Variants in IGFN1 observed in about 807,000 individuals in gnomAD.
IGFN1 encodes the protein immunoglobulin like and fibronectin type III domain containing 1, also known as immunoglobulin-like and fibronectin type III domain-containing protein 1.
In IGFN1, 253 loss-of-function variants were observed where a neutral mutation model predicts 289.5. That is an observed-to-expected ratio of 0.87 (90% CI 0.79 to 0.97). The LOEUF is 0.97. IGFN1 is among the 50% of genes least tolerant of loss of function. The probability of loss-of-function intolerance (pLI) is 0.00; values close to 1 mark genes in which losing one functional copy is unlikely to be tolerated. For missense variants in IGFN1, 4,470 were observed against 4,686.1 expected (o/e 0.95, Z 1.35); for synonymous variants, 1,706 against 1,788.5 (o/e 0.95, Z 1.16).
At position 201,210,738 on chromosome 1, in the gene IGFN1, G is replaced by C. The variant is rs1375903316; in HGVS notation, c.5845G>C (p.Gly1949Arg). The change falls in exon 12 of 24, where the codon GGG becomes CGG. Residue 1949 changes from glycine (G) to arginine (R), a missense_variant. Transcript: ENST00000335211. ...GSKEGFRDGL[G>R]GSEEMGSVNK... ...TAAGGAAGGTTTCAGGGATGGTTTA[G>C]GGGGTTCTGAAGAAATGGGGTCAGT... The C allele has an allele frequency of 1.3e-6, 2 of 1,531,342 alleles. No homozygotes were observed. Among genetic ancestry groups the C allele is most frequent in the Non-Finnish European group, 1.7e-6 (2 of 1,144,852 alleles). 94.9% of individuals were successfully genotyped at this position (1,531,342 alleles called of 1,614,324 possible).
intron 8 of IGFN1, 124 bp downstream of exon 8, chr1:201,200,535 G>A: frequency 1.3e-6 from 1 of 761,288 alleles, no homozygotes; most frequent in East Asian, 2.7e-5. Flanking sequence ...CAAGGGGCCT[G>A]TCTCCATCTA....
Position 201,211,968 on chromosome 1 carries a change from G to A in IGFN1, c.7075G>A (p.Gly2359Arg). The A allele has an allele frequency of 6.5e-7, 1 of 1,534,206 alleles. No individual in the cohort carries two copies. The highest frequency in any genetic ancestry group is 8.7e-7 in the Non-Finnish European group (1 of 1,145,526). ...GGGACCAGAGGGTAAGATGGGTTATGGAGATGGTTCAGGGAGGCTTGGAGT... is the reference window on the plus strand; with the variant it reads ...GGGACCAGAGGGTAAGATGGGTTATAGAGATGGTTCAGGGAGGCTTGGAGT... ...ETGPEGKMGY[G>R]DGSGRLGVPG... The change falls in exon 12 of 24, where the codon GGA (glycine) becomes AGA (arginine). Residue 2359 changes from glycine (G) to arginine (R), a missense_variant. By Grantham distance (125) the Gly-to-Arg change is moderately radical. Coordinates refer to ENST00000335211, the MANE Select transcript of IGFN1 (RefSeq NM_001164586.2).
chr1:201,217,665 C>A (rs529263142), intron 17 of IGFN1, among the ~76,000 whole-genome samples: 11 of 152,282 alleles, frequency 7.2e-5, no homozygotes, highest in Non-Finnish European at 1.5e-4. Context: ...TGCTGCAAAA[C>A]CTCCTACAGT....
rs769439563 is a variant in IGFN1, at chr1:201,224,701, C to A, written c.10313C>A (p.Thr3438Asn). 2 of 1,614,170 alleles carry A rather than the reference C, an allele frequency of 1.2e-6. No individual in the cohort carries two copies. The highest frequency in any genetic ancestry group is 1.7e-6 in the Non-Finnish European group (2 of 1,179,998). ...CAGGCCATGCCCATGCCTGAGGTGA[C>A]CTGGCTGAAGGATGGCTTGCCCTTG... ...SFEAMPMPEV[T>N]WLKDGLPLPK... The change falls in exon 21 of 24, where the codon ACC becomes AAC. Residue 3438 changes from threonine to asparagine, a missense_variant. Physicochemically the swap from Thr to Asn is moderately conservative, Grantham distance 65. Around this residue, in one of 8 missense-constraint regions of IGFN1, gnomAD observed 2,218 missense variants for 2,114.1 expected, o/e 1.05. Transcript: ENST00000335211.
Position 201,228,675 on chromosome 1 carries a change from T to G in IGFN1, c.*276T>G. The G allele has an allele frequency of 1.9e-6, 1 of 518,794 alleles. No individual in the cohort carries two copies. The highest frequency in any genetic ancestry group is 3.5e-6 in the Non-Finnish European group (1 of 289,364). 32.1% of individuals were successfully genotyped at this position (518,794 alleles called of 1,614,324 possible). A position where few individuals can be genotyped will look rare whatever the true frequency, so the allele number is the denominator to read the frequency against. Reference sequence around the variant, plus strand: ...CCTCACCATATGGGTTTCTTTCTTCTTCGCTTCAGGAGATCCAGAGGGCAC... The same window carrying G: ...CCTCACCATATGGGTTTCTTTCTTCGTCGCTTCAGGAGATCCAGAGGGCAC... On this transcript the variant is annotated 3_prime_UTR_variant, in exon 24 of 24. Coordinates refer to ENST00000335211, the MANE Select transcript of IGFN1 (RefSeq NM_001164586.2).
Position 201,211,887 on chromosome 1 carries a change from A to G in IGFN1, c.6994A>G (p.Met2332Val). ...GCAAGGCTTTGGGGGAACTAGTGGC[A>G]TGGGGTCAGGGAGTGAGGTCAGTTA... ...SRQGFGGTSGMGSGSEVSYRG... is the reference protein window; with the variant it reads ...SRQGFGGTSGVGSGSEVSYRG... Residue 2332 changes from methionine (M) to valine (V), a missense_variant, in exon 12 of 24, where the codon ATG becomes GTG. Coordinates refer to ENST00000335211, the MANE Select transcript of IGFN1 (RefSeq NM_001164586.2). The G allele has an allele frequency of 2.6e-6, 4 of 1,531,530 alleles. No individual in the cohort carries two copies. Among genetic ancestry groups the G allele is most frequent in the South Asian group, 1.2e-5 (1 of 83,198 alleles). 94.9% of individuals were successfully genotyped at this position (1,531,530 alleles called of 1,614,324 possible). A position where few individuals can be genotyped will look rare whatever the true frequency, so the allele number is the denominator to read the frequency against.
intron 9 of IGFN1, among the ~76,000 whole-genome samples, chr1:201,202,554 C>T (rs1333632571): frequency 6.6e-6 from 1 of 152,086 alleles, no homozygotes; most frequent in Non-Finnish European, 1.5e-5. Context: ...ATCGACAGGG[C>T]TAATTCCTTC....
chr1:201,195,994 CT>C lies in IGFN1; in HGVS notation c.267+18del. 6.4e-7 allele frequency: 1 copy of C among 1,550,708 alleles called. No individual in the cohort carries two copies. Among genetic ancestry groups the C allele is most frequent in the Non-Finnish European group, 8.7e-7 (1 of 1,146,542 alleles). ...CGTGCTGCAGGTAAGAACCGTAGCT[CT>C]TCCCCTGACCAGGGTCTACTCGTCT... On this transcript the variant is annotated intron_variant, in intron 4 of 23. Coordinates refer to ENST00000335211, the MANE Select transcript of IGFN1 (RefSeq NM_001164586.2).
In IGFN1 at chr1:201,213,372, G is replaced by T; in HGVS notation, c.8479G>T (p.Val2827Phe). ...GTCTCAGGCACAGTCAGGGGCTGAGGTTGGAGGAGGAAAGAGAAGGGGAGC... is the reference window on the plus strand; with the variant it reads ...GTCTCAGGCACAGTCAGGGGCTGAGTTTGGAGGAGGAAAGAGAAGGGGAGC... ...SRSQAQSGAE[V>F]GGGKRRGADE... The change falls in exon 12 of 24, where the codon GTT becomes TTT. Residue 2827 changes from valine (V) to phenylalanine (F), a missense_variant. By Grantham distance (50) the Val-to-Phe change is conservative. Transcript: ENST00000335211. 5.0e-6 allele frequency: 8 copies of T among 1,613,008 alleles called. No homozygotes were observed. The highest frequency in any genetic ancestry group is 5.9e-6 in the Non-Finnish European group (7 of 1,179,508).
Position 201,212,608 on chromosome 1 carries a change from T to C in IGFN1, c.7715T>C (p.Leu2572Ser). 6 of 1,545,594 alleles carry C rather than the reference T, an allele frequency of 3.9e-6. No homozygotes were observed. Among genetic ancestry groups the C allele is most frequent in the Non-Finnish European group, 5.2e-6 (6 of 1,144,126 alleles). Residue 2572 changes from leucine (L) to serine (S), a missense_variant, in exon 12 of 24, where the codon TTG (leucine) becomes TCG (serine). Leu to Ser is a moderately radical substitution (Grantham distance 145). Around this residue, in one of 8 missense-constraint regions of IGFN1, gnomAD observed 2,218 missense variants for 2,114.1 expected, o/e 1.05. Transcript: ENST00000335211. ...GGTAGAGTTGCTGGCCAGGGGGGGT[T>C]GGCATCTCAGGGAGGTGGGGACTCA... ...DRGRVAGQGGLASQGGGDSLL... is the reference protein window; with the variant it reads ...DRGRVAGQGGSASQGGGDSLL...
rs1191881023 is a variant in IGFN1, at chr1:201,212,273, G to A, written c.7380G>A (p.Glu2460=). The change falls in exon 12 of 24, where the codon GAG becomes GAA. Residue 2460 remains glutamate (E), a synonymous_variant. Transcript: ENST00000335211. The part of the protein sequence containing the change: ...SQGGRQTLSD[E]RGSTKDLGGY... ...GAGGGCGACAGACTCTTTCAGATGAGCGAGGCTCCACCAAAGATCTTGGGG... is the reference window on the plus strand; with the variant it reads ...GAGGGCGACAGACTCTTTCAGATGAACGAGGCTCCACCAAAGATCTTGGGG... 6.5e-7 allele frequency: 1 copy of A among 1,536,184 alleles called. No individual in the cohort carries two copies. The highest frequency in any genetic ancestry group is 8.7e-7 in the Non-Finnish European group (1 of 1,146,644).
In IGFN1 at chr1:201,208,275, A is replaced by G; in HGVS notation, c.3382A>G (p.Arg1128Gly). ...TCAGACTGGAAATTATGGGGGCTTC[A>G]GAGCCTCAGAGGCCCTGGGGGCCTT... Reference protein sequence around the residue: ...WGQTGNYGGFRASEALGAFGE... With the variant: ...WGQTGNYGGFGASEALGAFGE... Residue 1128 changes from arginine (R) to glycine (G), a missense_variant, in exon 12 of 24, where the codon AGA (arginine) becomes GGA (glycine). This residue lies in a region of IGFN1 where 2,011 missense variants were observed against 1,953.4 expected (regional missense o/e 1.03). Transcript: ENST00000335211. 1.3e-6 allele frequency: 2 copies of G among 1,535,566 alleles called. No individual in the cohort carries two copies. The highest frequency in any genetic ancestry group is 1.7e-6 in the Non-Finnish European group (2 of 1,146,566).
rs528788016 is a variant in IGFN1, at chr1:201,207,562, T to C, written c.2669T>C (p.Leu890Pro). The stretch of plus-strand genomic sequence containing the variant: ...GGGGTGGATGCCAGAAGCCACTGGC[T>C]AAGTAGGGCTCCAGGCCTGGGTGCT... ...GQGVDARSHWLSRAPGLGAQG... is the reference protein window; with the variant it reads ...GQGVDARSHWPSRAPGLGAQG... Residue 890 changes from leucine (L) to proline (P), a missense_variant, in exon 12 of 24, where the codon CTA becomes CCA. Physicochemically the swap from Leu to Pro is moderately conservative, Grantham distance 98. Around this residue, in one of 8 missense-constraint regions of IGFN1, gnomAD observed 2,011 missense variants for 1,953.4 expected, o/e 1.03. Transcript: ENST00000335211. 5.1e-5 allele frequency: 78 copies of C among 1,536,812 alleles called. 1 individual carries two copies. In the South Asian group the frequency reaches 8.9e-4, roughly 18 times the overall value.
chr1:201,199,275 C>G (rs1020395029), intron 5 of IGFN1, 59 bp from the exon 6 acceptor site: 2 of 1,435,804 alleles, frequency 1.4e-6, no homozygotes, highest in Non-Finnish European at 1.9e-6. Context: ...ATCAACATGT[C>G]TTGCTTCTCT....
Position 201,204,286 on chromosome 1 carries a change from G to T in IGFN1, c.916+380G>T, listed in dbSNP as rs141354063. On this transcript the variant is annotated intron_variant, in intron 10 of 23. Transcript: ENST00000335211. ...CCACAACACCCTAGCAAGAATCTCT[G>T]GGTTAGGCATCCTCACGCTCCATAC... is the stretch of plus-strand genomic sequence containing the variant. 4.1e-3 allele frequency among the ~76,000 whole-genome samples: 620 copies of T among 152,258 alleles called. 2 individuals are homozygous for T. Among genetic ancestry groups the T allele is most frequent in the Admixed American group, 6.7e-3 (103 of 15,292 alleles).
intron 15 of IGFN1, chr1:201,216,138 C>T: frequency 1.6e-6 from 1 of 642,898 alleles, no homozygotes; most frequent in Non-Finnish European, 2.8e-6. Flanking sequence ...TGAGTGGTGC[C>T]AGCAAGGTAG....
intron 16 of IGFN1, 62 bp from the exon 17 acceptor site, chr1:201,217,225 G>A: frequency 6.7e-7 from 1 of 1,492,478 alleles, no homozygotes; most frequent in Non-Finnish European, 9.2e-7. Context: ...ACCCCCAGGG[G>A]CTCCCCATGA....
intron 17 of IGFN1, 89 bp from the exon 18 acceptor site, chr1:201,218,441 T>G (rs1220963025): frequency 1.5e-6 from 2 of 1,326,968 alleles, no homozygotes; most frequent in Non-Finnish European, 2.1e-6. Context: ...ACCCCAGGCT[T>G]GGTCTCCTTC....
Position 201,208,401 on chromosome 1 carries a change from T to G in IGFN1, c.3508T>G (p.Cys1170Gly). The G allele has an allele frequency of 6.9e-7, 1 of 1,451,936 alleles. No individual in the cohort carries two copies. Among genetic ancestry groups the G allele is most frequent in the Non-Finnish European group, 9.0e-7 (1 of 1,110,668 alleles). 89.9% of individuals were successfully genotyped at this position (1,451,936 alleles called of 1,614,324 possible). A position where few individuals can be genotyped will look rare whatever the true frequency, so the allele number is the denominator to read the frequency against. Residue 1170 changes from cysteine (C) to glycine (G), a missense_variant, in exon 12 of 24, where the codon TGC becomes GGC. Coordinates refer to ENST00000335211, the MANE Select transcript of IGFN1 (RefSeq NM_001164586.2). The stretch of plus-strand genomic sequence containing the variant: ...AGTGGGTGAGGGGGATGGGACAAGA[T>G]GCCCTGGTGCTAAGGCCTCTGGAGC... ...SKVGEGDGTR[C>G]PGAKASGAGA...
Sources: gnomAD v4.1 joint callset for allele counts (sites outside exome capture counted in the v4.1 genomes callset) on GRCh38, gnomAD v4.1.1 for gene constraint, gnomAD v4.1.1 regional missense constraint, MANE v1.5 for transcripts, NCBI Gene and HGNC (gene_info 2026-07-23, HGNC 2026-07-21) for gene names.